Variants in RASA3 observed in about 807,000 individuals in gnomAD.
RASA3 encodes RAS p21 protein activator 3.
RASA3 carries 73 observed loss-of-function variants against 110.0 expected under a neutral mutation model. The observed-to-expected ratio is 0.66, with a 90% CI of 0.55 to 0.81. RASA3 has a LOEUF of 0.81. Ranked by LOEUF, RASA3 falls within the 30% of genes least tolerant of loss-of-function variation. The probability of loss-of-function intolerance (pLI) is 0.00; values close to 1 mark genes in which losing one functional copy is unlikely to be tolerated. For missense variants in RASA3, 976 were observed against 1,113.2 expected (o/e 0.88, Z 1.75); for synonymous variants, 500 against 451.4 (o/e 1.11, Z -1.37).
At position 114,078,110 on chromosome 13, in the gene RASA3, G is replaced by A. The variant is rs1024479185; in HGVS notation, c.56-4273C>T. ...TGCTCAGACCAGGAGGGCTGGGGCT[G>A]CTGCAGCACGGCCTGGCCACGTCGC... is the stretch of plus-strand genomic sequence containing the variant. On this transcript the variant is annotated intron_variant, in intron 1 of 23. Coordinates refer to ENST00000334062, the MANE Select transcript of RASA3 (RefSeq NM_007368.4). 6 of 691,012 alleles carry A rather than the reference G, an allele frequency of 8.7e-6. No individual in the cohort carries two copies. The Admixed American group carries it at 2.5e-4, about 29-fold the overall frequency. The allele number at this position is 691,012 out of a possible 1,614,324, so 42.8% of individuals were successfully genotyped here. A position where few individuals can be genotyped will look rare whatever the true frequency, so the allele number is the denominator to read the frequency against.
intron 1 of RASA3, among the ~76,000 whole-genome samples, chr13:114,075,143 G>A (rs981219434): frequency 6.6e-6 from 1 of 152,328 alleles, no homozygotes; most frequent in Non-Finnish European, 1.5e-5. Context: ...GCGCCACTCA[G>A]GGCCACATCA....
chr13:114,038,709 T>C, intron 4 of RASA3, among the ~76,000 whole-genome samples: 1 of 139,002 alleles, frequency 7.2e-6, no homozygotes, highest in South Asian at 2.4e-4. Flanking sequence ...GGCAAGACGG[T>C]TCCCAGAGGA....
At chr13:114,007,901 C>A (rs374738495) in intron 17 of RASA3, among the ~76,000 whole-genome samples, 3 of 152,362 alleles carry the variant, frequency 2.0e-5, no homozygotes, top group East Asian at 1.9e-4. Flanking sequence ...GAATCTGGGT[C>A]CCGGTAGTGA....
In RASA3 at chr13:114,024,548, C is replaced by T. The variant is rs552668173; in HGVS notation, c.604-193G>A. Among the ~76,000 whole-genome samples, 43 of 152,370 alleles carry T rather than the reference C, an allele frequency of 2.8e-4. 1 individual carries two copies. Among genetic ancestry groups the T allele is most frequent in the African/African-American group, 9.9e-4 (41 of 41,588 alleles). ...GAGTGCCAGCATTTCCTACTCACGG[C>T]GCCCCTGGAGGGGCAGACCCAGGTG... On this transcript the variant is annotated intron_variant, in intron 7 of 23. Coordinates refer to ENST00000334062, the MANE Select transcript of RASA3 (RefSeq NM_007368.4).
chr13:113,998,344 A>G (rs1365699305), intron 20 of RASA3, among the ~76,000 whole-genome samples: 2 of 151,560 alleles, frequency 1.3e-5, no homozygotes, highest in African/African-American at 4.9e-5. Flanking sequence ...TACTCTCCAA[A>G]CTTATGCCTT....
chr13:114,077,555 C>T (rs2079708714), intron 1 of RASA3, among the ~76,000 whole-genome samples: 1 of 148,588 alleles, frequency 6.7e-6, no homozygotes, highest in East Asian at 2.0e-4. Flanking sequence ...CCGACGATGC[C>T]CAGTCCCACC....
At chr13:113,999,126 C>T (rs970043061) in intron 20 of RASA3, among the ~76,000 whole-genome samples, 17 of 51,370 alleles carry the variant, frequency 3.3e-4, no homozygotes, top group Admixed American at 2.0e-3. Flanking sequence ...CAAGCGTGAC[C>T]GGGGAACGAG....
chr13:114,018,718 TG>T (rs779135618), intron 10 of RASA3, 44 bp downstream of exon 10: 1 of 1,600,258 alleles, frequency 6.2e-7, no homozygotes, highest in South Asian at 1.1e-5. Context: ...CCCAGGCAGG[TG>T]GCACCTCCTG....
chr13:114,035,375 G>T (rs1594362387), intron 4 of RASA3, among the ~76,000 whole-genome samples: 1 of 152,194 alleles, frequency 6.6e-6, no homozygotes, highest in African/African-American at 2.4e-5. Flanking sequence ...CGCAGCAAAG[G>T]GGCCCCAGCG....
chr13:114,054,954 G>GTGGGTGTGTGCACGTGTGTGCCCA (rs548742102), intron 2 of RASA3, among the ~76,000 whole-genome samples: 3 of 151,718 alleles, frequency 2.0e-5, no homozygotes, highest in Admixed American at 6.6e-5. Flanking sequence ...GCATGTGTGT[G>GTGGGTGTGTGCACGTGTGTGCCCA]TGGGTGTGTG....
rs2052846263 is a variant in RASA3 at position 113,979,155 on chromosome 13, G to C, written c.*192C>G. The C allele has an allele frequency of 1.7e-6, 1 of 599,058 alleles. No individual in the cohort carries two copies. Among genetic ancestry groups the C allele is most frequent in the Non-Finnish European group, 3.0e-6 (1 of 335,772 alleles). 37.1% of individuals were successfully genotyped at this position (599,058 alleles called of 1,614,324 possible). ...ACGACACGTTCCACAGGGCCAGGTG[G>C]GCTTTCTGCGGAGGGCGTGGCGGTG... On this transcript the variant is annotated 3_prime_UTR_variant, in exon 24 of 24. Transcript: ENST00000334062.
At chr13:114,077,504 A>G (rs1321781258) in intron 1 of RASA3, among the ~76,000 whole-genome samples, 5 of 50,710 alleles carry the variant, frequency 9.9e-5, no homozygotes, top group South Asian at 7.7e-4. Flanking sequence ...CAGTCCCCCC[A>G]CACTGGCACC....
chr13:114,000,974 GC>G (rs1566461346), intron 18 of RASA3, 42 bp from the exon 19 acceptor site: 2 of 1,372,392 alleles, frequency 1.5e-6, no homozygotes, highest in South Asian at 2.3e-5. Flanking sequence ...GGCCTCAGCT[GC>G]CTCCCTGCAC....
At chr13:114,022,430 A>C (rs2053945978) in intron 8 of RASA3, among the ~76,000 whole-genome samples, 1 of 152,186 alleles carries the variant, frequency 6.6e-6, no homozygotes, top group South Asian at 2.1e-4. Flanking sequence ...ACGGGCCTGA[A>C]ACCACACAGT....
intron 2 of RASA3, among the ~76,000 whole-genome samples, chr13:114,063,924 T>C (rs2079403352): frequency 6.6e-6 from 1 of 152,240 alleles, no homozygotes; most frequent in Admixed American, 6.5e-5. Flanking sequence ...AATGTCCATC[T>C]TTTTATGAGC....
At chr13:113,992,085 C>T (rs983651890) in intron 22 of RASA3, among the ~76,000 whole-genome samples, 1 of 152,222 alleles carries the variant, frequency 6.6e-6, no homozygotes, top group African/African-American at 2.4e-5. Flanking sequence ...TCCACATTCA[C>T]ACGCTCACAC....
chr13:114,024,479 C>T (rs978816351), intron 7 of RASA3, 124 bp from the exon 8 acceptor site: 3 of 824,062 alleles, frequency 3.6e-6, no homozygotes, highest in African/African-American at 3.4e-5. Context: ...GGGCCACAAC[C>T]AGGAAGGCGC....
chr13:114,068,309 C>A (rs2079490315), intron 2 of RASA3, among the ~76,000 whole-genome samples: 1 of 152,258 alleles, frequency 6.6e-6, no homozygotes, highest in Non-Finnish European at 1.5e-5. Context: ...AACCCTGAGG[C>A]AGAGCCTCCC....
At chr13:114,060,522 C>T (rs2079320793) in intron 2 of RASA3, among the ~76,000 whole-genome samples, 1 of 152,226 alleles carries the variant, frequency 6.6e-6, no homozygotes, top group African/African-American at 2.4e-5. Flanking sequence ...TCCTGGTTGT[C>T]CTCATGGGGA....
Sources: gnomAD v4.1 joint callset for allele counts (sites outside exome capture counted in the v4.1 genomes callset) on GRCh38, gnomAD v4.1.1 for gene constraint, MANE v1.5 for transcripts, NCBI Gene and HGNC (gene_info 2026-07-23, HGNC 2026-07-21) for gene names.